CSNK2B: variants seen among roughly 807,000 people sequenced by gnomAD.
CSNK2B encodes casein kinase 2 beta.
Under a neutral mutation model 28.8 loss-of-function variants are expected in CSNK2B, and 2 were observed. The ratio of observed to expected loss-of-function variants is 0.07; its 90% CI spans 0.03 to 0.22. The LOEUF (loss-of-function observed/expected upper bound fraction) is 0.22. Among genes scored for constraint, CSNK2B ranks in the 10% least tolerant of loss-of-function variants. CSNK2B has a pLI of 1.00. For synonymous variants in CSNK2B, 89 were observed against 96.1 expected, an observed-to-expected ratio of 0.93 and a Z score of 0.43; for missense variants, 107 against 277.9, an observed-to-expected ratio of 0.39 and a Z score of 4.37.
intron 2 of CSNK2B, 111 bp from the exon 3 acceptor site, chr6:31,667,757 A>G (rs1801878298): frequency 1.9e-6 from 1 of 537,368 alleles, no homozygotes; most frequent in Non-Finnish European, 3.2e-6. Context: ...GTGAGAAACA[A>G]GCACAACAGA....
chr6:31,669,607 C>G lies in CSNK2B; in HGVS notation c.557+99C>G. 1 of 1,345,690 alleles carries G rather than the reference C, an allele frequency of 7.4e-7. No homozygotes were observed. The highest frequency in any genetic ancestry group is 1.0e-6 in the Non-Finnish European group (1 of 983,122). The allele number at this position is 1,345,690 out of a possible 1,614,324, so 83.4% of individuals were successfully genotyped here. Reference sequence around the variant, plus strand: ...GGCCCTTTCTTGAGGTCTGCTTCTCCCAGAATCAGGGCATCTCCCTGCTGA... The same window carrying G: ...GGCCCTTTCTTGAGGTCTGCTTCTCGCAGAATCAGGGCATCTCCCTGCTGA... On this transcript the variant is annotated intron_variant, in intron 6 of 6. Coordinates refer to ENST00000375882, the MANE Select transcript of CSNK2B (RefSeq NM_001320.7). The surrounding 1 kb of genome is among the most constrained non-coding windows in gnomAD (Gnocchi z 4.8).
rs913654982 is a variant in CSNK2B at position 31,666,114 on chromosome 6, C to T, written c.-106C>T. ...TCCCCCCACCCCACTTCGCCTGCCG[C>T]GGTCGGGTCCGCGGCCTGCGCTGTA... On this transcript the variant is annotated 5_prime_UTR_variant, in exon 1 of 7. Transcript: ENST00000375882. 3.6e-5 allele frequency: 36 copies of T among 992,926 alleles called. No individual in the cohort carries two copies. Among genetic ancestry groups the T allele is most frequent in the Middle Eastern group, 5.1e-4 (1 of 1,948 alleles). The allele number at this position is 992,926 out of a possible 1,614,324, so 61.5% of individuals were successfully genotyped here. A position where few individuals can be genotyped will look rare whatever the true frequency, so the allele number is the denominator to read the frequency against.
chr6:31,666,475 G>C (rs1464717312), intron 1 of CSNK2B: 1 of 332,394 alleles, frequency 3.0e-6, no homozygotes, highest in Admixed American at 4.5e-5. Flanking sequence ...GGGTCATGCA[G>C]AGACTTGTAT....
At chr6:31,668,429 C>T in intron 3 of CSNK2B, 110 bp from the exon 4 acceptor site, 1 of 910,030 alleles carries the variant, frequency 1.1e-6, no homozygotes, top group Non-Finnish European at 1.7e-6. Context: ...TGGGGTAAGG[C>T]CCAAAAGTAG....
In CSNK2B at chr6:31,669,574, C is replaced by G; in HGVS notation, c.557+66C>G. ...CCAAGATCCCCCAGAGAGGGGAGGA[C>G]AGGGCATGGCCCTTTCTTGAGGTCT... On this transcript the variant is annotated intron_variant, in intron 6 of 6. Coordinates refer to ENST00000375882, the MANE Select transcript of CSNK2B (RefSeq NM_001320.7). This position sits in a 1 kb window ranked among gnomAD's most constrained non-coding sequence, Gnocchi z 4.8. 10 of 1,523,466 alleles carry G rather than the reference C, an allele frequency of 6.6e-6. No homozygotes were observed. Among genetic ancestry groups the G allele is most frequent in the Non-Finnish European group, 5.3e-6 (6 of 1,127,518 alleles). The allele number at this position is 1,523,466 out of a possible 1,614,324, so 94.4% of individuals were successfully genotyped here. A position where few individuals can be genotyped will look rare whatever the true frequency, so the allele number is the denominator to read the frequency against.
In CSNK2B at chr6:31,669,707, G is replaced by T; in HGVS notation, c.558-129G>T. 9.7e-7 allele frequency: 1 copy of T among 1,026,796 alleles called. No homozygotes were observed. Among genetic ancestry groups the T allele is most frequent in the Admixed American group, 2.6e-5 (1 of 38,876 alleles). 63.6% of individuals were successfully genotyped at this position (1,026,796 alleles called of 1,614,324 possible). On this transcript the variant is annotated intron_variant, in intron 6 of 6. Transcript: ENST00000375882. The surrounding 1 kb of genome is among the most constrained non-coding windows in gnomAD (Gnocchi z 4.8). ...TAGAATGTTCTTGAGCTGAGAAGTT[G>T]GGAACCACGAGGCTTTAGCTCTGAG...
Position 31,669,898 on chromosome 6 carries a change from TCA to T in CSNK2B, c.621_622del (p.Phe207LeufsTer38). On this transcript the variant is annotated frameshift_variant, in exon 7 of 7. Coordinates refer to ENST00000375882, the MANE Select transcript of CSNK2B (RefSeq NM_001320.7). LOFTEE classifies it high-confidence loss of function. The surrounding 1 kb of genome is among the most constrained non-coding windows in gnomAD (Gnocchi z 4.8). ...CTGCAGCTCCAAGCCGCCAGCAACT[TCA>T]AGAGCCCAGTCAAGACGATTCGCTG... 1 of 1,612,994 alleles carries T rather than the reference TCA, an allele frequency of 6.2e-7. No individual in the cohort carries two copies.
intron 4 of CSNK2B, 94 bp downstream of exon 4, chr6:31,668,748 G>T: frequency 8.4e-7 from 1 of 1,187,652 alleles, no homozygotes; most frequent in Admixed American, 1.9e-5. Flanking sequence ...GTTTAAGGAA[G>T]CTAGCTGAGA....
rs140631569 is a variant in CSNK2B, at chr6:31,666,345, A to AG, written c.-12+143dup. The AG allele has an allele frequency of 1.5e-4, 39 of 254,958 alleles. 1 individual carries two copies. The highest frequency in any genetic ancestry group is 2.2e-4 in the Non-Finnish European group (35 of 158,648). 15.8% of individuals were successfully genotyped at this position (254,958 alleles called of 1,614,324 possible). A position where few individuals can be genotyped will look rare whatever the true frequency, so the allele number is the denominator to read the frequency against. On this transcript the variant is annotated intron_variant, in intron 1 of 6. Coordinates refer to ENST00000375882, the MANE Select transcript of CSNK2B (RefSeq NM_001320.7). ...GAGGGAGAGGTGGCCTGAGGAGCGG[A>AG]GGGGGGATGTGTGGATTCCGGTGAA...
intron 2 of CSNK2B, 122 bp downstream of exon 2, chr6:31,667,025 G>T (rs761435991): frequency 2.0e-5 from 18 of 883,584 alleles, no homozygotes; most frequent in Non-Finnish European, 3.1e-5. Context: ...TATCAGCAAA[G>T]AGTCCCCCCT....
intron 2 of CSNK2B, chr6:31,667,188 G>A: frequency 1.7e-6 from 1 of 601,754 alleles, no homozygotes; most frequent in Non-Finnish European, 3.1e-6. Context: ...CTGGAGGGTA[G>A]TGGTGCGATC....
rs186480848 is a variant in CSNK2B, at chr6:31,669,730, G to T, written c.558-106G>T. On this transcript the variant is annotated intron_variant, in intron 6 of 6. Coordinates refer to ENST00000375882, the MANE Select transcript of CSNK2B (RefSeq NM_001320.7). This position sits in a 1 kb window ranked among gnomAD's most constrained non-coding sequence, Gnocchi z 4.8. ...TTGGGAACCACGAGGCTTTAGCTCT[G>T]AGCAGGTCCATAGAGGAGCTCAGGT... The T allele has an allele frequency of 4.9e-5, 54 of 1,112,604 alleles. No individual in the cohort carries two copies. In the East Asian group the frequency reaches 5.0e-4, roughly 10 times the overall value. 68.9% of individuals were successfully genotyped at this position (1,112,604 alleles called of 1,614,324 possible).
intron 3 of CSNK2B, chr6:31,668,249 C>T: frequency 1.7e-6 from 1 of 603,406 alleles, no homozygotes; most frequent in Non-Finnish European, 2.9e-6. Context: ...ACCTTCCAGT[C>T]TAGAATTTCA....
chr6:31,667,948 C>T lies in CSNK2B; in HGVS notation c.153C>T (p.Asp51=), dbSNP rs1442329565. 6.2e-7 allele frequency: 1 copy of T among 1,603,624 alleles called. No individual in the cohort carries two copies. The highest frequency in any genetic ancestry group is 8.5e-7 in the Non-Finnish European group (1 of 1,176,560). Residue 51 remains aspartate, a synonymous_variant, in exon 3 of 7, where the codon GAC becomes GAT. Transcript: ENST00000375882. ...EQVPHYRQAL[D]MILDLEPDEE... Reference sequence around the variant, plus strand: ...TCCCTCACTATCGACAAGCTCTAGACATGATCTTGGACCTGGAGCCTGGTG... The same window carrying T: ...TCCCTCACTATCGACAAGCTCTAGATATGATCTTGGACCTGGAGCCTGGTG...
Position 31,669,720 on chromosome 6 carries a change from C to T in CSNK2B, c.558-116C>T, listed in dbSNP as rs1289898971. On this transcript the variant is annotated intron_variant, in intron 6 of 6. Coordinates refer to ENST00000375882, the MANE Select transcript of CSNK2B (RefSeq NM_001320.7). This position sits in a 1 kb window ranked among gnomAD's most constrained non-coding sequence, Gnocchi z 4.8. ...AGCTGAGAAGTTGGGAACCACGAGG[C>T]TTTAGCTCTGAGCAGGTCCATAGAG... 10 of 1,071,242 alleles carry T rather than the reference C, an allele frequency of 9.3e-6. No homozygotes were observed. The highest frequency in any genetic ancestry group is 1.3e-5 in the Non-Finnish European group (10 of 742,022). 66.4% of individuals were successfully genotyped at this position (1,071,242 alleles called of 1,614,324 possible).
At position 31,669,702 on chromosome 6, in the gene CSNK2B, A is replaced by G; in HGVS notation, c.558-134A>G. The G allele has an allele frequency of 9.8e-7, 1 of 1,019,338 alleles. No homozygotes were observed. The highest frequency in any genetic ancestry group is 2.5e-5 in the East Asian group (1 of 40,384). 63.1% of individuals were successfully genotyped at this position (1,019,338 alleles called of 1,614,324 possible). A position where few individuals can be genotyped will look rare whatever the true frequency, so the allele number is the denominator to read the frequency against. ...TATTGTAGAATGTTCTTGAGCTGAG[A>G]AGTTGGGAACCACGAGGCTTTAGCT... On this transcript the variant is annotated intron_variant, in intron 6 of 6. Transcript: ENST00000375882. The surrounding 1 kb of genome is among the most constrained non-coding windows in gnomAD (Gnocchi z 4.8).
intron 1 of CSNK2B, 26 bp from the exon 2 acceptor site, chr6:31,666,795 C>G (rs1220511832): frequency 6.3e-7 from 1 of 1,590,206 alleles, no homozygotes. Flanking sequence ...AGAACTTGAG[C>G]TTTACTGACA....
At chr6:31,668,418 A>T (rs1801948895) in intron 3 of CSNK2B, 121 bp from the exon 4 acceptor site, 2 of 769,272 alleles carry the variant, frequency 2.6e-6, no homozygotes, top group Admixed American at 2.6e-5. Context: ...CAGATGTTGG[A>T]TGGGGTAAGG....
rs879013932 is a variant in CSNK2B, at chr6:31,669,200, C to T, written c.367+28C>T. On this transcript the variant is annotated intron_variant, in intron 5 of 6. Coordinates refer to ENST00000375882, the MANE Select transcript of CSNK2B (RefSeq NM_001320.7). The surrounding 1 kb of genome is among the most constrained non-coding windows in gnomAD (Gnocchi z 4.8). ...GAGTGTTGAAGAAGGGAAAGGAAAGCACCGTGTGGCAGTCTTATGGGAAGG... is the reference window on the plus strand; with the variant it reads ...GAGTGTTGAAGAAGGGAAAGGAAAGTACCGTGTGGCAGTCTTATGGGAAGG... 2 of 1,608,414 alleles carry T rather than the reference C, an allele frequency of 1.2e-6. No homozygotes were observed. Among genetic ancestry groups the T allele is most frequent in the South Asian group, 1.1e-5 (1 of 90,982 alleles).
Sources: allele counts gnomAD v4.1 joint callset, GRCh38; gene constraint gnomAD v4.1.1; non-coding constraint Gnocchi (gnomAD v3.1); transcripts MANE v1.5; gene names NCBI Gene and HGNC (gene_info 2026-07-23, HGNC 2026-07-21).